Variants in SYF2 observed in about 807,000 individuals in gnomAD.
SYF2 encodes pre-mRNA-splicing factor SYF2.
SYF2 carries 21 observed loss-of-function variants against 32.7 expected under a neutral mutation model. The observed-to-expected ratio is 0.64, with a 90% CI of 0.45 to 0.92. The LOEUF (loss-of-function observed/expected upper bound fraction) is 0.92, where lower values mean the gene tolerates loss of function less well. SYF2 is among the 40% of genes least tolerant of loss of function. The pLI, the probability that SYF2 is intolerant of heterozygous loss-of-function variation, is 0.00. For missense variants in SYF2, 278 were observed against 296.5 expected, an observed-to-expected ratio of 0.94 and a Z score of 0.46; for synonymous variants, 114 against 103.9, an observed-to-expected ratio of 1.10 and a Z score of -0.59.
At chr1:25,228,625 T>C (rs1177207640) in intron 3 of SYF2, among the ~76,000 whole-genome samples, 1 of 152,210 alleles carries the variant, frequency 6.6e-6, no homozygotes, top group Non-Finnish European at 1.5e-5. Flanking sequence ...CATGAGCCAC[T>C]GCACCCGGCC....
intron 6 of SYF2, among the ~76,000 whole-genome samples, chr1:25,223,984 AG>A (rs773166667): frequency 2.0e-5 from 3 of 152,212 alleles, no homozygotes; most frequent in Non-Finnish European, 4.4e-5. Flanking sequence ...ACCTGAGGCC[AG>A]GAGTTTGAGA....
intron 6 of SYF2, among the ~76,000 whole-genome samples, chr1:25,224,188 C>G (rs1038878430): frequency 6.6e-6 from 1 of 150,452 alleles, no homozygotes; most frequent in Non-Finnish European, 1.5e-5. Flanking sequence ...AGTGAGACTC[C>G]GTCTCAAAAA....
intron 2 of SYF2, chr1:25,230,160 T>G (rs2124513348): frequency 6.6e-6 from 1 of 152,328 alleles, no homozygotes; most frequent in East Asian, 1.9e-4. Context: ...AGCCTCAATT[T>G]GGGTTAGAGG....
intron 4 of SYF2, 69 bp from the exon 5 acceptor site, chr1:25,227,601 T>C (rs562949992): frequency 7.3e-7 from 1 of 1,368,004 alleles, no homozygotes; most frequent in Admixed American, 2.1e-5. Context: ...GAGAGAAAAA[T>C]CTAAATTATC....
Position 25,225,034 on chromosome 1 carries a change from T to C in SYF2, c.534A>G (p.Glu178=). The C allele has an allele frequency of 6.2e-7, 1 of 1,614,084 alleles. No individual in the cohort carries two copies. The highest frequency in any genetic ancestry group is 8.5e-7 in the Non-Finnish European group (1 of 1,179,958). Residue 178 remains glutamate (E), a synonymous_variant, in exon 6 of 7, where the codon GAA becomes GAG. Transcript: ENST00000236273. Reference sequence around the variant, plus strand: ...CCAGATCTATGACCATCCTGTCAATTTCCTCTGTGGAAGGCACATGTGTTC... The same window carrying C: ...CCAGATCTATGACCATCCTGTCAATCTCCTCTGTGGAAGGCACATGTGTTC... ...LHGTHVPSTE[E]IDRMVIDLEK...
chr1:25,227,739 C>T (rs12057593), intron 4 of SYF2, among the ~76,000 whole-genome samples: 4,360 of 152,126 alleles, frequency 0.029, 211 homozygotes, highest in African/African-American at 0.099. Flanking sequence ...TTCCTTTGAG[C>T]ATCATAGCAC....
chr1:25,232,125 G>A lies in SYF2; in HGVS notation c.111C>T (p.Phe37=). ...AQKREQRLRK[F]RELHLMRNEA... is the part of the protein sequence containing the mutation. Reference sequence around the variant, plus strand: ...TCACCCGCATCAGGTGCAGCTCCCGGAATTTGCGCAGTCTCTGTTCGCGCT... The same window carrying A: ...TCACCCGCATCAGGTGCAGCTCCCGAAATTTGCGCAGTCTCTGTTCGCGCT... Residue 37 remains phenylalanine (F), a synonymous_variant, in exon 2 of 7, where the codon TTC becomes TTT. Coordinates refer to ENST00000236273, the MANE Select transcript of SYF2 (RefSeq NM_015484.5). 1 of 1,614,012 alleles carries A rather than the reference G, an allele frequency of 6.2e-7. No individual in the cohort carries two copies. The highest frequency in any genetic ancestry group is 8.5e-7 in the Non-Finnish European group (1 of 1,179,986).
intron 5 of SYF2, among the ~76,000 whole-genome samples, chr1:25,225,501 T>C (rs112583344): frequency 0.028 from 4,201 of 148,712 alleles, 203 homozygotes; most frequent in African/African-American, 0.098. Flanking sequence ...GTGCTCCAGC[T>C]TGGGCGACAA....
intron 2 of SYF2, chr1:25,231,883 T>A: frequency 3.3e-6 from 2 of 609,746 alleles, no homozygotes. Flanking sequence ...AAATTGGATG[T>A]GGGTGGGAGA....
At position 25,231,957 on chromosome 1, in the gene SYF2, T is replaced by C. The variant is rs558270331; in HGVS notation, c.132+147A>G. On this transcript the variant is annotated intron_variant, in intron 2 of 6. Coordinates refer to ENST00000236273, the MANE Select transcript of SYF2 (RefSeq NM_015484.5). ...GAATGATCCCAATGTGCTGCCAGGG[T>C]TGAGTACCACCGAACAGAGCTTTCC... 1.4e-4 allele frequency: 114 copies of C among 806,350 alleles called. 1 individual carries two copies. The South Asian group carries it at 1.6e-3, about 12-fold the overall frequency. The allele number at this position is 806,350 out of a possible 1,614,324, so 49.9% of individuals were successfully genotyped here.
intron 5 of SYF2, 74 bp from the exon 6 acceptor site, chr1:25,225,174 T>C (rs1638482028): frequency 3.1e-6 from 3 of 961,944 alleles, no homozygotes; most frequent in African/African-American, 1.6e-5. Context: ...TAAAGTACCA[T>C]ACATGATAAG....
Position 25,227,485 on chromosome 1 carries a change from T to C in SYF2, c.424A>G (p.Ile142Val), listed in dbSNP as rs1456681701. 1 of 1,613,824 alleles carries C rather than the reference T, an allele frequency of 6.2e-7. No homozygotes were observed. ...TCATATGTTTCCATGTCAGGTTTGA[T>C]CTGCTTGGTCAACCGATGATACTGG... ...LRQYHRLTKQ[I>V]KPDMETYERL... Residue 142 changes from isoleucine to valine, a missense_variant, in exon 5 of 7, where the codon ATC (isoleucine) becomes GTC (valine). Physicochemically the swap from Ile to Val is conservative, Grantham distance 29. Transcript: ENST00000236273.
intron 3 of SYF2, 151 bp downstream of exon 3, chr1:25,228,847 C>G: frequency 1.3e-6 from 1 of 745,682 alleles, no homozygotes; most frequent in South Asian, 2.3e-5. Context: ...AATAAACTCA[C>G]CCAACGTGTT....
At chr1:25,228,045 T>C in intron 4 of SYF2, 73 bp downstream of exon 4, 1 of 1,297,834 alleles carries the variant, frequency 7.7e-7, no homozygotes, top group Middle Eastern at 1.9e-4. Context: ...GGCACATCCT[T>C]TCTTGAAACC....
chr1:25,223,165 A>T lies in SYF2; in HGVS notation c.*101T>A, dbSNP rs1241085825. The T allele has an allele frequency of 2.6e-6, 3 of 1,135,432 alleles. No homozygotes were observed. Among genetic ancestry groups the T allele is most frequent in the African/African-American group, 1.6e-5 (1 of 64,340 alleles). 70.3% of individuals were successfully genotyped at this position (1,135,432 alleles called of 1,614,324 possible). ...AATGCTGAGTGAGAAGGCATGGACT[A>T]CTAAATTCTGGATTACTGATAAAAT... On this transcript the variant is annotated 3_prime_UTR_variant, in exon 7 of 7. Coordinates refer to ENST00000236273, the MANE Select transcript of SYF2 (RefSeq NM_015484.5).
intron 2 of SYF2, chr1:25,231,793 G>A (rs768514073): frequency 1.6e-5 from 7 of 446,350 alleles, no homozygotes; most frequent in East Asian, 8.9e-5. Flanking sequence ...ATTTCCCTAG[G>A]TAAAATGAAG....
chr1:25,227,616 G>A, intron 4 of SYF2, 84 bp from the exon 5 acceptor site: 1 of 1,234,230 alleles, frequency 8.1e-7, no homozygotes, highest in Non-Finnish European at 1.1e-6. Flanking sequence ...ATTATCACAG[G>A]TGAGTATCTT....
chr1:25,228,460 A>T (rs945968034), intron 3 of SYF2, among the ~76,000 whole-genome samples: 2 of 152,082 alleles, frequency 1.3e-5, no homozygotes, highest in African/African-American at 4.8e-5. Context: ...TTAGCCTCCC[A>T]AGTAGCTGGG....
At position 25,223,139 on chromosome 1, in the gene SYF2, A is replaced by G. The variant is rs754390370; in HGVS notation, c.*127T>C. On this transcript the variant is annotated 3_prime_UTR_variant, in exon 7 of 7. Coordinates refer to ENST00000236273, the MANE Select transcript of SYF2 (RefSeq NM_015484.5). ...TTTAAGAAACCACATTTTTATTTCT[A>G]AATGCTGAGTGAGAAGGCATGGACT... 119 of 817,320 alleles carry G rather than the reference A, an allele frequency of 1.5e-4. No homozygotes were observed. Among genetic ancestry groups the G allele is most frequent in the Non-Finnish European group, 2.0e-4 (105 of 537,182 alleles). The allele number at this position is 817,320 out of a possible 1,614,324, so 50.6% of individuals were successfully genotyped here.
Sources: allele counts gnomAD v4.1 joint callset (sites outside exome capture counted in the v4.1 genomes callset), GRCh38; gene constraint gnomAD v4.1.1; transcripts MANE v1.5; gene names NCBI Gene and HGNC (gene_info 2026-07-23, HGNC 2026-07-21).